The following CHST5 variants were observed in gnomAD, a reference collection of about 807,000 sequenced individuals.
CHST5 encodes the protein GST4-alpha.
For missense variants in CHST5, 637 were observed against 602.1 expected (o/e 1.06, Z -0.61); for synonymous variants, 313 against 279.2 (o/e 1.12, Z -1.21).
Position 75,529,631 on chromosome 16 carries a change from C to T in CHST5, c.754G>A (p.Gly252Ser), listed in dbSNP as rs1195782855. Residue 252 changes from glycine (G) to serine (S), a missense_variant, in exon 4 of 4, where the codon GGC becomes AGC. Transcript: ENST00000336257. ...TGAGGGTCGGCCTCCACCCACTTGC[C>T]GTTGGTGCCCAGCACGATGCCGTTG... ...RDNGIVLGTN[G>S]KWVEADPHLR... 3 of 1,611,078 alleles carry T rather than the reference C, an allele frequency of 1.9e-6. No individual in the cohort carries two copies. The highest frequency in any genetic ancestry group is 8.5e-7 in the Non-Finnish European group (1 of 1,178,994).
At position 75,529,851 on chromosome 16, in the gene CHST5, C is replaced by G; in HGVS notation, c.534G>C (p.Gln178His). The change falls in exon 4 of 4, where the codon CAG becomes CAC. Residue 178 changes from glutamine (Q) to histidine (H), a missense_variant. Physicochemically the swap from Gln to His is conservative, Grantham distance 24. Coordinates refer to ENST00000336257, the MANE Select transcript of CHST5 (RefSeq NM_024533.5). ...AGGCCTCCCGGGCCAGGCTGAATGG[C>G]TGCCGCGTGCACAGTGTCTTGCATA... Reference protein sequence around the residue: ...QDVCKTLCTRQPFSLAREACR... With the variant: ...QDVCKTLCTRHPFSLAREACR... The G allele has an allele frequency of 6.2e-7, 1 of 1,613,598 alleles. No individual in the cohort carries two copies. The highest frequency in any genetic ancestry group is 8.5e-7 in the Non-Finnish European group (1 of 1,179,928).
Position 75,531,374 on chromosome 16 carries a change from A to C in CHST5, c.-990T>G, listed in dbSNP as rs2080520680. 2 of 1,072,336 alleles carry C rather than the reference A, an allele frequency of 1.9e-6. No individual in the cohort carries two copies. Among genetic ancestry groups the C allele is most frequent in the African/African-American group, 1.7e-5 (1 of 58,504 alleles). 66.4% of individuals were successfully genotyped at this position (1,072,336 alleles called of 1,614,324 possible). A position where few individuals can be genotyped will look rare whatever the true frequency, so the allele number is the denominator to read the frequency against. On this transcript the variant is annotated 5_prime_UTR_variant, in exon 4 of 4. Transcript: ENST00000336257. Reference sequence around the variant, plus strand: ...AAACTTTTGTCATTAAAGATAAACAAGTAAATAAAGTGGACAAAGAACAGC... The same window carrying C: ...AAACTTTTGTCATTAAAGATAAACACGTAAATAAAGTGGACAAAGAACAGC...
chr16:75,532,364 T>C (rs959528390), intron 3 of CHST5, among the ~76,000 whole-genome samples: 8 of 152,176 alleles, frequency 5.3e-5, no homozygotes, highest in Non-Finnish European at 8.8e-5. Context: ...GTTCTTCTGT[T>C]TGCACCTGTT....
intron 3 of CHST5, 84 bp from the exon 4 acceptor site, chr16:75,531,724 G>A: frequency 1.1e-5 from 11 of 1,005,564 alleles, no homozygotes; most frequent in Non-Finnish European, 1.4e-5. Flanking sequence ...TGGGAACAGA[G>A]CTGTCCTGCC....
rs1240885586 is a variant in CHST5 at position 75,531,375 on chromosome 16, G to A, written c.-991C>T. 2.9e-6 allele frequency: 3 copies of A among 1,051,416 alleles called. No individual in the cohort carries two copies. The highest frequency in any genetic ancestry group is 6.2e-5 in the South Asian group (2 of 32,066). 65.1% of individuals were successfully genotyped at this position (1,051,416 alleles called of 1,614,324 possible). Reference sequence around the variant, plus strand: ...AACTTTTGTCATTAAAGATAAACAAGTAAATAAAGTGGACAAAGAACAGCA... The same window carrying A: ...AACTTTTGTCATTAAAGATAAACAAATAAATAAAGTGGACAAAGAACAGCA... On this transcript the variant is annotated 5_prime_UTR_variant, in exon 4 of 4. Coordinates refer to ENST00000336257, the MANE Select transcript of CHST5 (RefSeq NM_024533.5).
intron 2 of CHST5, 58 bp from the exon 3 acceptor site, chr16:75,533,241 G>T: frequency 1.4e-6 from 1 of 702,316 alleles, no homozygotes; most frequent in Non-Finnish European, 2.6e-6. Flanking sequence ...GCAAAGTTAG[G>T]GAGAACCAGT....
rs150382283 is a variant in CHST5, at chr16:75,534,262, A to T, written c.-1352+865T>A. ...TGAGGCAGGAGAATCACTTGAACCCAGGAGGTGGAGATTACAGTGAGCCGA... is the reference window on the plus strand; with the variant it reads ...TGAGGCAGGAGAATCACTTGAACCCTGGAGGTGGAGATTACAGTGAGCCGA... On this transcript the variant is annotated intron_variant, in intron 2 of 3. Coordinates refer to ENST00000336257, the MANE Select transcript of CHST5 (RefSeq NM_024533.5). 1.7e-3 allele frequency among the ~76,000 whole-genome samples: 261 copies of T among 152,150 alleles called. 2 individuals carry two copies. Among genetic ancestry groups the T allele is most frequent in the African/African-American group, 6.0e-3 (251 of 41,510 alleles).
chr16:75,535,533 T>G (rs1190838908), intron 1 of CHST5, among the ~76,000 whole-genome samples, 124 bp from the exon 2 acceptor site: 7 of 152,084 alleles, frequency 4.6e-5, no homozygotes, highest in African/African-American at 1.4e-4. Flanking sequence ...CGCCCTCTAC[T>G]CCCCGCGCGC....
Position 75,529,161 on chromosome 16 carries a change from T to G in CHST5, c.1224A>C (p.Ala408=), listed in dbSNP as rs541040326. Residue 408 remains alanine (A), a synonymous_variant, in exon 4 of 4, where the codon GCA becomes GCC. Coordinates refer to ENST00000336257, the MANE Select transcript of CHST5 (RefSeq NM_024533.5). ...AGGCCCAGAGTTCTCAGTCAGGCGATGCCCAGCTGAAGTGGTCTGGGCCTC... is the reference window on the plus strand; with the variant it reads ...AGGCCCAGAGTTCTCAGTCAGGCGAGGCCCAGCTGAAGTGGTCTGGGCCTC... ...LPRGPDHFSW[A]SPD is the part of the protein sequence containing the mutation. 6 of 1,582,730 alleles carry G rather than the reference T, an allele frequency of 3.8e-6. No individual in the cohort carries two copies. Among genetic ancestry groups the G allele is most frequent in the South Asian group, 3.5e-5 (3 of 86,792 alleles).
In CHST5 at chr16:75,531,195, G is replaced by A. The variant is rs1030812813; in HGVS notation, c.-811C>T. 21 of 519,156 alleles carry A rather than the reference G, an allele frequency of 4.0e-5. No homozygotes were observed. The highest frequency in any genetic ancestry group is 7.6e-5 in the South Asian group (1 of 13,204). The allele number at this position is 519,156 out of a possible 1,614,324, so 32.2% of individuals were successfully genotyped here. A position where few individuals can be genotyped will look rare whatever the true frequency, so the allele number is the denominator to read the frequency against. On this transcript the variant is annotated 5_prime_UTR_variant, in exon 4 of 4. Transcript: ENST00000336257. The stretch of plus-strand genomic sequence containing the variant: ...AAATTAGCCAGGCGTGATGGTGGGC[G>A]CCTGTAGTCCCAGCTACTCGGGAGG...
In CHST5 at chr16:75,530,694, A is replaced by C; in HGVS notation, c.-310T>G. 3.4e-6 allele frequency: 4 copies of C among 1,180,874 alleles called. No homozygotes were observed. The highest frequency in any genetic ancestry group is 4.2e-6 in the Non-Finnish European group (4 of 943,912). 73.1% of individuals were successfully genotyped at this position (1,180,874 alleles called of 1,614,324 possible). A position where few individuals can be genotyped will look rare whatever the true frequency, so the allele number is the denominator to read the frequency against. On this transcript the variant is annotated 5_prime_UTR_variant, in exon 4 of 4. Transcript: ENST00000336257. The stretch of plus-strand genomic sequence containing the variant: ...TCTTTTGCTTCAGGATACCTCTTAG[A>C]GAGACCCTTTTAGGTTGTGGAGCTA...
rs1415121415 is a variant in CHST5, at chr16:75,530,557, G to C, written c.-173C>G. ...TGCTCACAGCAGAAGTCCAGTTGCA[G>C]AATAATGTGGGATATCATCAAACTG... On this transcript the variant is annotated 5_prime_UTR_variant, in exon 4 of 4. Transcript: ENST00000336257. 5 of 1,433,666 alleles carry C rather than the reference G, an allele frequency of 3.5e-6. No individual in the cohort carries two copies. The highest frequency in any genetic ancestry group is 4.6e-6 in the Non-Finnish European group (5 of 1,092,124). The allele number at this position is 1,433,666 out of a possible 1,614,324, so 88.8% of individuals were successfully genotyped here.
Position 75,529,174 on chromosome 16 carries a change from T to A in CHST5, c.1211A>T (p.His404Leu), listed in dbSNP as rs199502662. 6.3e-7 allele frequency: 1 copy of A among 1,592,200 alleles called. No individual in the cohort carries two copies. The highest frequency in any genetic ancestry group is 2.2e-5 in the East Asian group (1 of 44,582). ...TCAGTCAGGCGATGCCCAGCTGAAGTGGTCTGGGCCTCGTGGCAGCACCAG... is the reference window on the plus strand; with the variant it reads ...TCAGTCAGGCGATGCCCAGCTGAAGAGGTCTGGGCCTCGTGGCAGCACCAG... ...LDLVLPRGPD[H>L]FSWASPD Residue 404 changes from histidine (H) to leucine (L), a missense_variant, in exon 4 of 4, where the codon CAC (histidine) becomes CTC (leucine). Coordinates refer to ENST00000336257, the MANE Select transcript of CHST5 (RefSeq NM_024533.5).
chr16:75,533,157 G>T lies in CHST5; in HGVS notation c.-1325C>A. On this transcript the variant is annotated 5_prime_UTR_variant, in exon 3 of 4. It adds an upstream start codon to the 5' untranslated region. Transcript: ENST00000336257. Reference sequence around the variant, plus strand: ...CACTCTATGCCACACAGAGTCTCCAGAAGACCAGTTCCTCACTGGGAGCTT... The same window carrying T: ...CACTCTATGCCACACAGAGTCTCCATAAGACCAGTTCCTCACTGGGAGCTT... 1 of 702,380 alleles carries T rather than the reference G, an allele frequency of 1.4e-6. No individual in the cohort carries two copies. The highest frequency in any genetic ancestry group is 2.6e-6 in the Non-Finnish European group (1 of 384,838). 43.5% of individuals were successfully genotyped at this position (702,380 alleles called of 1,614,324 possible).
Position 75,529,162 on chromosome 16 carries a change from G to A in CHST5, c.1223C>T (p.Ala408Val). The A allele has an allele frequency of 1.3e-6, 2 of 1,583,344 alleles. No individual in the cohort carries two copies. The highest frequency in any genetic ancestry group is 1.7e-6 in the Non-Finnish European group (2 of 1,162,172). ...LPRGPDHFSW[A>V]SPD ...GGCCCAGAGTTCTCAGTCAGGCGATGCCCAGCTGAAGTGGTCTGGGCCTCG... is the reference window on the plus strand; with the variant it reads ...GGCCCAGAGTTCTCAGTCAGGCGATACCCAGCTGAAGTGGTCTGGGCCTCG... The change falls in exon 4 of 4, where the codon GCA becomes GTA. Residue 408 changes from alanine to valine, a missense_variant. Coordinates refer to ENST00000336257, the MANE Select transcript of CHST5 (RefSeq NM_024533.5).
rs770387929 is a variant in CHST5 at position 75,529,712 on chromosome 16, C to T, written c.673G>A (p.Asp225Asn). 1 of 1,611,904 alleles carries T rather than the reference C, an allele frequency of 6.2e-7. No homozygotes were observed. The highest frequency in any genetic ancestry group is 8.5e-7 in the Non-Finnish European group (1 of 1,179,362). ...LNLRIVHLVR[D>N]PRAVLRSREA... is the part of the protein sequence containing the mutation. ...CGGGAGCGCAGCACGGCCCGCGGGT[C>T]GCGCACCAGGTGCACGATGCGCAGG... Residue 225 changes from aspartate to asparagine, a missense_variant, in exon 4 of 4, where the codon GAC becomes AAC. Transcript: ENST00000336257.
At chr16:75,532,769 G>C (rs2080534289) in intron 3 of CHST5, among the ~76,000 whole-genome samples, 1 of 152,244 alleles carries the variant, frequency 6.6e-6, no homozygotes, top group African/African-American at 2.4e-5. Flanking sequence ...ACTCATATTT[G>C]CTGACTTCAA....
At chr16:75,531,810 C>T (rs962230887) in intron 3 of CHST5, among the ~76,000 whole-genome samples, 170 bp from the exon 4 acceptor site, 4 of 152,226 alleles carry the variant, frequency 2.6e-5, no homozygotes, top group Middle Eastern at 6.8e-3. Flanking sequence ...ACGGTTTAGG[C>T]GGATGTCACA....
In CHST5 at chr16:75,530,445, C is replaced by A; in HGVS notation, c.-61G>T. Reference sequence around the variant, plus strand: ...TCAGCCCTCAGATTCGGCTACCCTACCCATTGGACTTCCCAAGACTCCCAA... The same window carrying A: ...TCAGCCCTCAGATTCGGCTACCCTAACCATTGGACTTCCCAAGACTCCCAA... On this transcript the variant is annotated 5_prime_UTR_variant, in exon 4 of 4. Coordinates refer to ENST00000336257, the MANE Select transcript of CHST5 (RefSeq NM_024533.5). The A allele has an allele frequency of 1.4e-6, 2 of 1,462,540 alleles. No homozygotes were observed. The highest frequency in any genetic ancestry group is 1.8e-6 in the Non-Finnish European group (2 of 1,105,792). The allele number at this position is 1,462,540 out of a possible 1,614,324, so 90.6% of individuals were successfully genotyped here. A position where few individuals can be genotyped will look rare whatever the true frequency, so the allele number is the denominator to read the frequency against.
Sources: gnomAD v4.1 joint callset for allele counts (sites outside exome capture counted in the v4.1 genomes callset) on GRCh38, gnomAD v4.1.1 for gene constraint, MANE v1.5 for transcripts, NCBI Gene and HGNC (gene_info 2026-07-23, HGNC 2026-07-21) for gene names.